Variants in PLEKHA5 observed in about 807,000 individuals in gnomAD.
PLEKHA5 encodes pleckstrin homology domain-containing family A member 5.
PLEKHA5 carries 55 observed loss-of-function variants against 181.9 expected under a neutral mutation model. The ratio of observed to expected loss-of-function variants is 0.30; its 90% CI spans 0.24 to 0.38. PLEKHA5 has a LOEUF of 0.38. Among genes scored for constraint, PLEKHA5 ranks in the 10% least tolerant of loss-of-function variants. PLEKHA5 has a pLI of 1.00. For synonymous variants in PLEKHA5, 535 were observed against 529.4 expected (o/e 1.01, Z -0.15); for missense variants, 1,432 against 1,549.5 (o/e 0.92, Z 1.27).
chr12:19,166,257 AT>A, intron 3 of PLEKHA5, among the ~76,000 whole-genome samples: 1 of 152,214 alleles, frequency 6.6e-6, no homozygotes, highest in Admixed American at 6.5e-5. Flanking sequence ...TAAACTTAAC[AT>A]TTGACTGAAT....
At chr12:19,247,754 T>C (rs886767368) in intron 3 of PLEKHA5, among the ~76,000 whole-genome samples, 19 of 151,338 alleles carry the variant, frequency 1.3e-4, no homozygotes, top group African/African-American at 4.6e-4. Flanking sequence ...TTTTCTTTTT[T>C]TAAAAAAAAA....
At chr12:19,217,554 T>G (rs1244071065) in intron 3 of PLEKHA5, among the ~76,000 whole-genome samples, 1 of 152,102 alleles carries the variant, frequency 6.6e-6, no homozygotes, top group Admixed American at 6.6e-5. Context: ...TCAACAGGTA[T>G]GAATAAAAAT....
intron 3 of PLEKHA5, among the ~76,000 whole-genome samples, chr12:19,221,796 A>T (rs549457597): frequency 1.6e-4 from 25 of 152,174 alleles, no homozygotes; most frequent in African/African-American, 5.6e-4. Flanking sequence ...ACAAAACTAC[A>T]TACTTTATTT....
intron 3 of PLEKHA5, among the ~76,000 whole-genome samples, chr12:19,236,024 A>G (rs1256498918): frequency 6.6e-6 from 1 of 152,186 alleles, no homozygotes; most frequent in Admixed American, 6.5e-5. Flanking sequence ...AAGCACAAAG[A>G]TATCTGAGCA....
At position 19,358,452 on chromosome 12, in the gene PLEKHA5, TTTGATTA is replaced by T; in HGVS notation, c.3348+18_3348+24del. ...GGACTACTCAGGTATATGAATTGCA[TTTGATTA>T]TTATTTTGTGTAAATCTAGTATCAC... is the stretch of plus-strand genomic sequence containing the variant. On this transcript the variant is annotated intron_variant, in intron 27 of 31. Transcript: ENST00000429027. The T allele has an allele frequency of 6.6e-7, 1 of 1,521,824 alleles. No homozygotes were observed. The highest frequency in any genetic ancestry group is 9.1e-7 in the Non-Finnish European group (1 of 1,097,858). 94.3% of individuals were successfully genotyped at this position (1,521,824 alleles called of 1,614,324 possible).
intron 3 of PLEKHA5, among the ~76,000 whole-genome samples, chr12:19,193,469 G>A (rs952934355): frequency 1.3e-5 from 2 of 152,070 alleles, no homozygotes; most frequent in African/African-American, 2.4e-5. Context: ...ATACTTGGAC[G>A]TTTATTCTGA....
intron 26 of PLEKHA5, among the ~76,000 whole-genome samples, chr12:19,355,344 CTT>C (rs756942658): frequency 1.3e-4 from 12 of 94,008 alleles, no homozygotes; most frequent in Non-Finnish European, 2.2e-4. Flanking sequence ...TATGGCTAGT[CTT>C]TTTTTTTTTT....
At chr12:19,249,569 C>T (rs543570555) in intron 3 of PLEKHA5, among the ~76,000 whole-genome samples, 1 of 152,220 alleles carries the variant, frequency 6.6e-6, no homozygotes, top group Admixed American at 6.5e-5. Context: ...CCATAGAAAG[C>T]AAAACCACAG....
chr12:19,157,880 A>T (rs1317293959), intron 3 of PLEKHA5, among the ~76,000 whole-genome samples: 1 of 152,200 alleles, frequency 6.6e-6, no homozygotes, highest in East Asian at 1.9e-4. Context: ...CACCAGATTG[A>T]AAAAGAGGCA....
At chr12:19,296,305 G>A (rs2079780481) in intron 15 of PLEKHA5, among the ~76,000 whole-genome samples, 1 of 151,940 alleles carries the variant, frequency 6.6e-6, no homozygotes, top group African/African-American at 2.4e-5. Context: ...CCAAGACTTT[G>A]GGAGGCCAAG....
rs1286810292 is a variant in PLEKHA5, at chr12:19,309,147, G to A, written c.2038-5667G>A. ...TTGTGATTTTGGTTTAACTTTGGAC[G>A]GTTATTATGCACTAACCTTTTTTGA... On this transcript the variant is annotated intron_variant, in intron 15 of 31. Transcript: ENST00000429027. Among the ~76,000 whole-genome samples, 4 of 152,012 alleles carry A rather than the reference G, an allele frequency of 2.6e-5. No homozygotes were observed. In the East Asian group the frequency reaches 5.8e-4, roughly 22 times the overall value.
chr12:19,350,153 C>T (rs1202169416), intron 25 of PLEKHA5, among the ~76,000 whole-genome samples: 1 of 152,086 alleles, frequency 6.6e-6, no homozygotes, highest in African/African-American at 2.4e-5. Context: ...CTGTTTGAAA[C>T]TTGATTGGAC....
At position 19,173,663 on chromosome 12, in the gene PLEKHA5, T is replaced by C. The variant is rs892888860; in HGVS notation, c.227+41213T>C. Among the ~76,000 whole-genome samples, 5 of 152,318 alleles carry C rather than the reference T, an allele frequency of 3.3e-5. No homozygotes were observed. In the East Asian group the frequency reaches 9.6e-4, roughly 29 times the overall value. ...AGCTGTCATTATCCCACGAATCCCT[T>C]TGGCTCCAGGGAACAGGACAAAGAA... is the stretch of plus-strand genomic sequence containing the variant. On this transcript the variant is annotated intron_variant, in intron 3 of 31. Transcript: ENST00000429027.
intron 25 of PLEKHA5, among the ~76,000 whole-genome samples, chr12:19,350,995 C>A (rs1462581991): frequency 7.3e-6 from 1 of 137,254 alleles, no homozygotes; most frequent in South Asian, 2.4e-4. Context: ...ATCTCACCAT[C>A]GGCCCAGGCT....
chr12:19,223,588 A>G (rs2059294478), intron 3 of PLEKHA5, among the ~76,000 whole-genome samples: 1 of 152,178 alleles, frequency 6.6e-6, no homozygotes, highest in Admixed American at 6.5e-5. Flanking sequence ...GATAGTATAT[A>G]AAATGATTTT....
intron 3 of PLEKHA5, among the ~76,000 whole-genome samples, chr12:19,184,053 C>T (rs1051055151): frequency 2.6e-5 from 4 of 152,144 alleles, no homozygotes; most frequent in African/African-American, 7.2e-5. Context: ...ACAGAAACCA[C>T]GTCTGGTGCC....
chr12:19,309,459 T>G (rs546915156), intron 15 of PLEKHA5, among the ~76,000 whole-genome samples: 1 of 152,198 alleles, frequency 6.6e-6, no homozygotes, highest in African/African-American at 2.4e-5. Context: ...TTCATATGCT[T>G]TTAAAATAAG....
chr12:19,369,274 A>G (rs1008593927), intron 30 of PLEKHA5, among the ~76,000 whole-genome samples: 7 of 151,498 alleles, frequency 4.6e-5, no homozygotes, highest in African/African-American at 1.2e-4. Flanking sequence ...ACCTCAAATG[A>G]TCCGCCTGCC....
chr12:19,173,275 G>T (rs958543924), intron 3 of PLEKHA5, among the ~76,000 whole-genome samples: 1 of 149,966 alleles, frequency 6.7e-6, no homozygotes, highest in Admixed American at 6.6e-5. Context: ...CACCCGCCTC[G>T]GCCTCCCAAA....
Sources: allele counts gnomAD v4.1 joint callset (sites outside exome capture counted in the v4.1 genomes callset), GRCh38; gene constraint gnomAD v4.1.1; transcripts MANE v1.5; gene names NCBI Gene and HGNC (gene_info 2026-07-23, HGNC 2026-07-21).